Variants in OIT3 observed in about 807,000 individuals in gnomAD.
OIT3 encodes oncoprotein induced transcript 3, also known as oncoprotein-induced transcript 3 protein.
In OIT3, 41 loss-of-function variants were observed where a neutral mutation model predicts 52.2. That is an observed-to-expected ratio of 0.79 (90% CI 0.61 to 1.02). OIT3 has a LOEUF of 1.02. Among genes scored for constraint, OIT3 ranks in the 50% least tolerant of loss-of-function variants. OIT3 has a pLI of 0.00. For synonymous variants in OIT3, 244 were observed against 276.9 expected (o/e 0.88, Z 1.18); for missense variants, 634 against 715.5 (o/e 0.89, Z 1.30).
At chr10:72,905,412 A>T (rs1211324947) in intron 3 of OIT3, among the ~76,000 whole-genome samples, 1 of 152,154 alleles carries the variant, frequency 6.6e-6, no homozygotes, top group Non-Finnish European at 1.5e-5. Flanking sequence ...CAGGGGTTGC[A>T]GTGAGCAGAG....
intron 7 of OIT3, 28 bp downstream of exon 7, chr10:72,924,672 C>T (rs764353934): frequency 6.4e-7 from 1 of 1,555,964 alleles, no homozygotes; most frequent in South Asian, 1.2e-5. Flanking sequence ...ATGGTCTCAT[C>T]ACCCCTAGTT....
At position 72,898,847 on chromosome 10, in the gene OIT3, CCCACG is replaced by C; in HGVS notation, c.247_251del (p.His83ThrfsTer65). On this transcript the variant is annotated frameshift_variant, in exon 2 of 9. Transcript: ENST00000334011. LOFTEE classifies it high-confidence loss of function. Reference sequence around the variant, plus strand: ...TGCATACCAGAAAACCACTGTGGAACCCACGCACCTGTCTGGCTCAATGGCAGCCA... The same window carrying C: ...TGCATACCAGAAAACCACTGTGGAACCACCTGTCTGGCTCAATGGCAGCCA... 1 of 1,614,162 alleles carries C rather than the reference CCCACG, an allele frequency of 6.2e-7. No homozygotes were observed. Among genetic ancestry groups the C allele is most frequent in the Non-Finnish European group, 8.5e-7 (1 of 1,180,016 alleles).
chr10:72,927,316 T>TTTTA (rs1846178211), intron 7 of OIT3, among the ~76,000 whole-genome samples: 1 of 152,092 alleles, frequency 6.6e-6, no homozygotes, highest in Non-Finnish European at 1.5e-5. Context: ...ATTTTTGTAC[T>TTTTA]TTTAGTAGAG....
At position 72,902,893 on chromosome 10, in the gene OIT3, A is replaced by C. The variant is rs146300057; in HGVS notation, c.544+2409A>C. Among the ~76,000 whole-genome samples the C allele has an allele frequency of 1.1e-3, 175 of 152,302 alleles. 1 individual carries two copies. The highest frequency in any genetic ancestry group is 4.0e-3 in the African/African-American group (167 of 41,550). ...GGTGCAGACACAGCCAAATCATATC[A>C]ATATGTTTACTTATTGGCCATTTTT... On this transcript the variant is annotated intron_variant, in intron 3 of 8. Transcript: ENST00000334011.
At chr10:72,924,937 C>G (rs1246060194) in intron 7 of OIT3, among the ~76,000 whole-genome samples, 1 of 151,812 alleles carries the variant, frequency 6.6e-6, no homozygotes, top group Non-Finnish European at 1.5e-5. Flanking sequence ...ATGGTGAAAC[C>G]CTGTCTCTAC....
intron 3 of OIT3, among the ~76,000 whole-genome samples, chr10:72,902,516 A>AAT (rs1242803105): frequency 1.3e-5 from 2 of 152,130 alleles, no homozygotes; most frequent in East Asian, 1.9e-4. Flanking sequence ...TAAAAATGTA[A>AAT]ATATATATAT....
intron 6 of OIT3, among the ~76,000 whole-genome samples, chr10:72,921,192 T>C (rs1846118313): frequency 6.6e-6 from 1 of 152,236 alleles, no homozygotes; most frequent in Non-Finnish European, 1.5e-5. Flanking sequence ...TTTGTCTTCT[T>C]TGATCTTTGC....
chr10:72,914,410 C>T (rs777612631), intron 6 of OIT3, among the ~76,000 whole-genome samples: 5 of 152,080 alleles, frequency 3.3e-5, no homozygotes, highest in African/African-American at 9.7e-5. Flanking sequence ...GAGGCCTTTG[C>T]GATCCTTTGG....
intron 1 of OIT3, among the ~76,000 whole-genome samples, chr10:72,896,774 G>A (rs1206676839): frequency 6.6e-6 from 1 of 152,092 alleles, no homozygotes; most frequent in Non-Finnish European, 1.5e-5. Flanking sequence ...AAAATGTATT[G>A]GCCCTAATGT....
chr10:72,922,800 C>T (rs1373231163), intron 6 of OIT3, among the ~76,000 whole-genome samples: 1 of 152,110 alleles, frequency 6.6e-6, no homozygotes, highest in Non-Finnish European at 1.5e-5. Context: ...TGCACTGATT[C>T]TTTCTCATCT....
chr10:72,899,067 CCA>C (rs746554923), intron 2 of OIT3, 29 bp downstream of exon 2: 6 of 1,566,228 alleles, frequency 3.8e-6, no homozygotes, highest in Non-Finnish European at 5.2e-6. Flanking sequence ...CTCTTTTTCT[CCA>C]CCAACAAGGC....
chr10:72,900,532 C>A, intron 3 of OIT3, 48 bp downstream of exon 3: 2 of 1,036,682 alleles, frequency 1.9e-6, no homozygotes, highest in Non-Finnish European at 3.0e-6. Flanking sequence ...ATCGAAAGGA[C>A]AAATCAAAAA....
At position 72,924,390 on chromosome 10, in the gene OIT3, C is replaced by A. The variant is rs75226835; in HGVS notation, c.1113C>A (p.Asn371Lys). ...LYTISEGYVP[N>K]LRNSPLEIMS... The stretch of plus-strand genomic sequence containing the variant: ...CCATTTCTGAAGGATACGTTCCCAA[C>A]CTTCGAAACTCCCCACTGGAAATCA... The change falls in exon 7 of 9, where the codon AAC becomes AAA. Residue 371 changes from asparagine to lysine, a missense_variant. Asn to Lys is a moderately conservative substitution (Grantham distance 94, BLOSUM62 0). Coordinates refer to ENST00000334011, the MANE Select transcript of OIT3 (RefSeq NM_152635.3). 161 of 1,614,168 alleles carry A rather than the reference C, an allele frequency of 1.0e-4. No individual in the cohort carries two copies. In the African/African-American group the frequency reaches 1.6e-3, roughly 16 times the overall value.
At chr10:72,905,342 G>A (rs1034388060) in intron 3 of OIT3, among the ~76,000 whole-genome samples, 6 of 152,008 alleles carry the variant, frequency 3.9e-5, no homozygotes, top group African/African-American at 1.2e-4. Flanking sequence ...GTGGTGGTGC[G>A]TGCCTGTAAT....
At position 72,932,950 on chromosome 10, in the gene OIT3, T is replaced by A. The variant is rs1282820561; in HGVS notation, c.*426T>A. ...GACTCCTTAAATATGTAAATTATAG[T>A]TATACCTTGAAATTTCAATTCAAAT... On this transcript the variant is annotated 3_prime_UTR_variant, in exon 9 of 9. Coordinates refer to ENST00000334011, the MANE Select transcript of OIT3 (RefSeq NM_152635.3). 6.3e-6 allele frequency: 1 copy of A among 157,836 alleles called. No individual in the cohort carries two copies. Among genetic ancestry groups the A allele is most frequent in the Non-Finnish European group, 1.4e-5 (1 of 72,118 alleles). 9.8% of individuals were successfully genotyped at this position (157,836 alleles called of 1,614,324 possible).
At chr10:72,909,451 G>T (rs1846010550) in intron 4 of OIT3, among the ~76,000 whole-genome samples, 1 of 151,746 alleles carries the variant, frequency 6.6e-6, no homozygotes, top group Admixed American at 6.6e-5. Flanking sequence ...GTTTGTATTT[G>T]TCCCATCTTT....
rs765563810 is a variant in OIT3 at position 72,932,363 on chromosome 10, C to T, written c.1477C>T (p.Leu493=). The T allele has an allele frequency of 1.2e-6, 2 of 1,614,168 alleles. No individual in the cohort carries two copies. The highest frequency in any genetic ancestry group is 3.3e-5 in the Admixed American group (2 of 60,026). The change falls in exon 9 of 9, where the codon CTG becomes TTG. Residue 493 remains leucine, a synonymous_variant. Transcript: ENST00000334011. The stretch of plus-strand genomic sequence containing the variant: ...GTGATCATCTCTTCAGGAAGTGTTT[C>T]TGCACTGCCGGGTTCTTGTCTGTGG... ...FVGKDHKEVF[L]HCRVLVCGVL...
intron 1 of OIT3, among the ~76,000 whole-genome samples, chr10:72,895,854 G>A (rs944907873): frequency 1.3e-5 from 2 of 152,156 alleles, no homozygotes; most frequent in Admixed American, 1.3e-4. Flanking sequence ...GCACTGAGAT[G>A]TATAGATCAG....
At chr10:72,918,727 C>CT (rs1284465602) in intron 6 of OIT3, among the ~76,000 whole-genome samples, 1 of 152,028 alleles carries the variant, frequency 6.6e-6, no homozygotes, top group Non-Finnish European at 1.5e-5. Flanking sequence ...GCCAGGTATC[C>CT]CAGCACCGTT....
Sources: allele counts gnomAD v4.1 joint callset (sites outside exome capture counted in the v4.1 genomes callset), GRCh38; gene constraint gnomAD v4.1.1; transcripts MANE v1.5; gene names NCBI Gene and HGNC (gene_info 2026-07-23, HGNC 2026-07-21).